Variants in MYO3A observed in about 807,000 individuals in gnomAD.
The protein encoded by MYO3A is myosin IIIA.
In MYO3A, 180 loss-of-function variants were observed where a neutral mutation model predicts 192.7. That is an observed-to-expected ratio of 0.93 (90% CI 0.83 to 1.06). The LOEUF is 1.06. MYO3A is among the 50% of genes least tolerant of loss of function. The pLI is 0.00. For missense variants in MYO3A, 1,896 were observed against 1,905.0 expected (o/e 1.00, Z 0.09); for synonymous variants, 628 against 645.3 (o/e 0.97, Z 0.41).
intron 32 of MYO3A, among the ~76,000 whole-genome samples, chr10:26,197,070 G>C (rs562806318): frequency 6.6e-6 from 1 of 152,162 alleles, no homozygotes; most frequent in African/African-American, 2.4e-5. Flanking sequence ...TTGAGGTCCC[G>C]CTGCGCACCA....
intron 20 of MYO3A, among the ~76,000 whole-genome samples, chr10:26,142,899 A>G (rs1303323791): frequency 6.6e-6 from 1 of 152,224 alleles, no homozygotes; most frequent in Non-Finnish European, 1.5e-5. Flanking sequence ...ATTTTCCTAC[A>G]TCTTGAAAAC....
chr10:25,975,457 A>G (rs79141012), intron 4 of MYO3A, among the ~76,000 whole-genome samples: 1 of 152,142 alleles, frequency 6.6e-6, no homozygotes, highest in Non-Finnish European at 1.5e-5. Context: ...ATCAAAGAAG[A>G]GGGTGTAACA....
intron 6 of MYO3A, among the ~76,000 whole-genome samples, chr10:26,006,679 A>G (rs1316953782): frequency 6.6e-6 from 1 of 152,186 alleles, no homozygotes; most frequent in Non-Finnish European, 1.5e-5. Flanking sequence ...AGACTAAACC[A>G]GGAAGAAGTT....
intron 4 of MYO3A, among the ~76,000 whole-genome samples, chr10:25,973,722 G>A (rs1838801480): frequency 6.6e-6 from 1 of 151,992 alleles, no homozygotes; most frequent in Admixed American, 6.6e-5. Context: ...AAAACAGCAT[G>A]GTATGGGTAC....
intron 6 of MYO3A, among the ~76,000 whole-genome samples, chr10:26,000,370 A>G (rs1840714149): frequency 6.6e-6 from 1 of 152,132 alleles, no homozygotes; most frequent in Non-Finnish European, 1.5e-5. Flanking sequence ...CATGATCTTC[A>G]CCCCAGTGTG....
At chr10:26,143,207 T>G (rs949881024) in intron 20 of MYO3A, among the ~76,000 whole-genome samples, 21 of 152,192 alleles carry the variant, frequency 1.4e-4, no homozygotes, top group African/African-American at 4.3e-4. Flanking sequence ...GGTGTGTGCC[T>G]GTAATCCCAG....
chr10:26,126,759 C>A (rs1440226301), intron 19 of MYO3A, among the ~76,000 whole-genome samples: 2 of 152,118 alleles, frequency 1.3e-5, no homozygotes, highest in African/African-American at 2.4e-5. Context: ...GATACCTACC[C>A]AGAAGGGGGA....
intron 34 of MYO3A, among the ~76,000 whole-genome samples, chr10:26,205,434 C>CTAT (rs1564645808): frequency 2.1e-5 from 3 of 142,456 alleles, no homozygotes; most frequent in Non-Finnish European, 4.5e-5. Context: ...CTGGTAACTA[C>CTAT]TATTCTACTC....
intron 7 of MYO3A, among the ~76,000 whole-genome samples, chr10:26,017,965 A>C (rs1842073138): frequency 6.7e-6 from 1 of 149,198 alleles, no homozygotes; most frequent in African/African-American, 2.5e-5. Context: ...CAAATATTGC[A>C]TTTTGTTTGC....
rs1841061747 is a variant in MYO3A, at chr10:26,155,485, G to A, written c.2793+662G>A. The stretch of plus-strand genomic sequence containing the variant: ...GATAAAAACCTATTAACCATCCAAT[G>A]AAAATGAAGAAAATACCACTAAAAC... On this transcript the variant is annotated intron_variant, in intron 25 of 34. Coordinates refer to ENST00000642920, the MANE Select transcript of MYO3A (RefSeq NM_017433.5). Among the ~76,000 whole-genome samples the A allele has an allele frequency of 2.0e-5, 3 of 152,098 alleles. No homozygotes were observed. In the South Asian group the frequency reaches 6.2e-4, roughly 32 times the overall value.
intron 33 of MYO3A, 175 bp from the exon 34 acceptor site, chr10:26,202,789 T>C (rs1255711364): frequency 1.5e-6 from 1 of 676,596 alleles, no homozygotes; most frequent in African/African-American, 1.8e-5. Flanking sequence ...GGTTTTTCTT[T>C]TTTACTTATG....
intron 34 of MYO3A, among the ~76,000 whole-genome samples, chr10:26,210,511 C>T (rs897125288): frequency 6.6e-6 from 1 of 152,200 alleles, no homozygotes; most frequent in Non-Finnish European, 1.5e-5. Context: ...TCCTCCTCCA[C>T]AGGCCTAGTG....
intron 4 of MYO3A, among the ~76,000 whole-genome samples, chr10:25,963,337 G>A (rs1164552981): frequency 6.6e-6 from 1 of 152,118 alleles, no homozygotes; most frequent in Non-Finnish European, 1.5e-5. Flanking sequence ...TGCATTATTG[G>A]TTGTTCTGTT....
At chr10:26,028,507 T>C (rs1340406281) in intron 10 of MYO3A, among the ~76,000 whole-genome samples, 1 of 152,224 alleles carries the variant, frequency 6.6e-6, no homozygotes, top group Admixed American at 6.5e-5. Context: ...TGCCCATCTT[T>C]TTATCTTTGT....
intron 18 of MYO3A, among the ~76,000 whole-genome samples, chr10:26,122,761 T>C (rs1190182931): frequency 1.3e-5 from 2 of 152,192 alleles, no homozygotes; most frequent in Admixed American, 6.5e-5. Flanking sequence ...CTTAAATTTC[T>C]TACTGGTTTC....
chr10:26,206,333 T>C (rs1264211659), intron 34 of MYO3A, among the ~76,000 whole-genome samples: 3 of 151,992 alleles, frequency 2.0e-5, no homozygotes, highest in Non-Finnish European at 2.9e-5. Flanking sequence ...AGTGCTAAGA[T>C]TACAGGCGTG....
At chr10:26,114,311 G>T (rs938938123) in intron 17 of MYO3A, among the ~76,000 whole-genome samples, 1 of 152,196 alleles carries the variant, frequency 6.6e-6, no homozygotes, top group African/African-American at 2.4e-5. Flanking sequence ...GGTATAGGTT[G>T]AGGCCCTAAG....
At chr10:25,987,963 A>G (rs537599447) in intron 4 of MYO3A, among the ~76,000 whole-genome samples, 1 of 152,284 alleles carries the variant, frequency 6.6e-6, no homozygotes, top group Non-Finnish European at 1.5e-5. Context: ...AATGCCCATC[A>G]ATTAACAGGT....
chr10:26,037,861 C>A (rs1452057326), intron 10 of MYO3A, among the ~76,000 whole-genome samples: 1 of 152,140 alleles, frequency 6.6e-6, no homozygotes, highest in African/African-American at 2.4e-5. Context: ...AACCAGATCT[C>A]ATGACAACAG....
Sources: allele counts gnomAD v4.1 joint callset (sites outside exome capture counted in the v4.1 genomes callset), GRCh38; gene constraint gnomAD v4.1.1; transcripts MANE v1.5; gene names NCBI Gene and HGNC (gene_info 2026-07-23, HGNC 2026-07-21).